Variants in BMAL2 observed in about 807,000 individuals in gnomAD.
BMAL2 encodes basic helix-loop-helix ARNT like 2.
At chr12:27,340,130 T>G in the BMAL2 span, among the ~76,000 whole-genome samples, 1 of 152,220 alleles carries the variant, frequency 6.6e-6, no homozygotes, top group East Asian at 1.9e-4. Context: ...CAATTTTTCC[T>G]TTTGGCACAA....
the BMAL2 span, among the ~76,000 whole-genome samples, chr12:27,335,202 C>CTTTGT: frequency 3.4e-4 from 51 of 152,108 alleles, no homozygotes; most frequent in Admixed American, 5.9e-4. Context: ...TTTTGTTTTG[C>CTTTGT]TTTGTTTTGT....
At chr12:27,338,081 A>G in the BMAL2 span, among the ~76,000 whole-genome samples, 1 of 152,266 alleles carries the variant, frequency 6.6e-6, no homozygotes, top group East Asian at 1.9e-4. Context: ...ATAATCTCCA[A>G]TTTCTTGCAC....
chr12:27,405,938 A>G, the BMAL2 span, among the ~76,000 whole-genome samples: 138,484 of 152,308 alleles, frequency 0.91, 63,070 homozygotes, highest in East Asian at 1. Flanking sequence ...TGAGAACTAC[A>G]TGACGAATGC....
chr12:27,396,238 C>T, the BMAL2 span, among the ~76,000 whole-genome samples: 1 of 152,150 alleles, frequency 6.6e-6, no homozygotes, highest in African/African-American at 2.4e-5. Context: ...GTGGCTCATG[C>T]AGTGCTTGGC....
At chr12:27,377,874 T>C in the BMAL2 span, among the ~76,000 whole-genome samples, 2 of 152,116 alleles carry the variant, frequency 1.3e-5, no homozygotes, top group Admixed American at 6.6e-5. Context: ...GTTCCAGGAG[T>C]GTCATTGCCG....
At chr12:27,383,378 A>C in the BMAL2 span, among the ~76,000 whole-genome samples, 3 of 152,198 alleles carry the variant, frequency 2.0e-5, no homozygotes, top group African/African-American at 7.2e-5. Flanking sequence ...AACATTGTGA[A>C]AAAAGTAAGT....
the BMAL2 span, chr12:27,402,761 G>A: frequency 4.7e-6 from 6 of 1,281,350 alleles, no homozygotes; most frequent in Middle Eastern, 2.6e-4. Context: ...CCTGGAGAGG[G>A]GAAAATTTGA....
At chr12:27,407,275 A>G in the BMAL2 span, among the ~76,000 whole-genome samples, 2 of 152,272 alleles carry the variant, frequency 1.3e-5, no homozygotes, top group Admixed American at 6.5e-5. Flanking sequence ...TCTGCCCCGA[A>G]TCAACAGAAT....
chr12:27,364,812 G>A, the BMAL2 span, among the ~76,000 whole-genome samples: 1 of 151,962 alleles, frequency 6.6e-6, no homozygotes, highest in Non-Finnish European at 1.5e-5. Context: ...CTTTTAAAAT[G>A]TTTTAAATAA....
At chr12:27,386,278 C>T in the BMAL2 span, among the ~76,000 whole-genome samples, 2 of 152,108 alleles carry the variant, frequency 1.3e-5, no homozygotes, top group African/African-American at 4.8e-5. Context: ...GATTTGCTTT[C>T]GAAGCTTTCT....
chr12:27,410,753 AT>A, the BMAL2 span, among the ~76,000 whole-genome samples: 25 of 143,738 alleles, frequency 1.7e-4, no homozygotes, highest in South Asian at 4.5e-4. Context: ...AATAAAAAAA[AT>A]AATAATTTTT....
the BMAL2 span, among the ~76,000 whole-genome samples, chr12:27,358,338 T>C: frequency 6.6e-6 from 1 of 152,070 alleles, no homozygotes; most frequent in South Asian, 2.1e-4. Context: ...AAAACCACAG[T>C]GTGATACCAC....
At chr12:27,350,309 C>G in the BMAL2 span, among the ~76,000 whole-genome samples, 9 of 152,314 alleles carry the variant, frequency 5.9e-5, no homozygotes, top group Non-Finnish European at 1.0e-4. Flanking sequence ...ATAGTTATCC[C>G]TCGCCCACAA....
At chr12:27,344,531 A>G in the BMAL2 span, among the ~76,000 whole-genome samples, 1 of 152,068 alleles carries the variant, frequency 6.6e-6, no homozygotes, top group African/African-American at 2.4e-5. Flanking sequence ...GGCAGGCTGA[A>G]CTCCAGCACA....
the BMAL2 span, chr12:27,418,230 GT>G: frequency 6.8e-7 from 1 of 1,464,980 alleles, no homozygotes; most frequent in Non-Finnish European, 9.4e-7. Flanking sequence ...GACCATTTTC[GT>G]TTATCAAAAC....
chr12:27,379,224 T>C, the BMAL2 span, among the ~76,000 whole-genome samples: 3 of 151,996 alleles, frequency 2.0e-5, no homozygotes, highest in African/African-American at 7.2e-5. Context: ...GAATTGAAAA[T>C]GGGGGTACAT....
At chr12:27,410,110 G>C in the BMAL2 span, among the ~76,000 whole-genome samples, 3 of 151,080 alleles carry the variant, frequency 2.0e-5, no homozygotes, top group Non-Finnish European at 4.5e-5. Flanking sequence ...TGCTGGAGAG[G>C]ATGTTGAGAA....
the BMAL2 span, among the ~76,000 whole-genome samples, chr12:27,337,246 T>G: frequency 2.0e-5 from 3 of 152,220 alleles, no homozygotes; most frequent in African/African-American, 7.2e-5. Context: ...TATTTAGAAT[T>G]GAAGGTTAAG....
At chr12:27,361,565 G>C in the BMAL2 span, among the ~76,000 whole-genome samples, 1 of 152,108 alleles carries the variant, frequency 6.6e-6, no homozygotes, top group Non-Finnish European at 1.5e-5. Context: ...TTATATAAAA[G>C]CAGAGCTGAA....
Sources: allele counts gnomAD v4.1 joint callset (sites outside exome capture counted in the v4.1 genomes callset), GRCh38; gene constraint gnomAD v4.1.1; transcripts MANE v1.5; gene names NCBI Gene and HGNC (gene_info 2026-07-23, HGNC 2026-07-21).